The following CANX variants were observed in gnomAD, a reference collection of about 807,000 sequenced individuals.
CANX encodes epididymis secretory sperm binding protein.
In CANX, 14 loss-of-function variants were observed where a neutral mutation model predicts 75.7. The observed-to-expected ratio is 0.19, with a 90% CI of 0.12 to 0.29. The LOEUF is 0.29. Ranked by LOEUF, CANX falls within the 10% of genes least tolerant of loss-of-function variation. The pLI, the probability that CANX is intolerant of heterozygous loss-of-function variation, is 1.00. For missense variants in CANX, 567 were observed against 713.2 expected, an observed-to-expected ratio of 0.79 and a Z score of 2.34; for synonymous variants, 227 against 236.9, an observed-to-expected ratio of 0.96 and a Z score of 0.38.
At chr5:179,705,054 G>C (rs763934124) in intron 1 of CANX, among the ~76,000 whole-genome samples, 2 of 151,612 alleles carry the variant, frequency 1.3e-5, no homozygotes, top group African/African-American at 4.8e-5. Context: ...GTGTAGTGGC[G>C]TGCTCACTGC....
chr5:179,709,144 C>A, intron 6 of CANX, 85 bp downstream of exon 6: 1 of 799,174 alleles, frequency 1.3e-6, no homozygotes, highest in Non-Finnish European at 2.2e-6. Flanking sequence ...TGCAGTGGCT[C>A]ACGCCTGTAA....
In CANX at chr5:179,698,993, G is replaced by A. The variant is rs1776534315; in HGVS notation, c.-113G>A. Reference sequence around the variant, plus strand: ...GCGGTGGCCGAGGCCTCTTGGTTCTGCGGCACGTGACGGTCGGGCCGCCTC... The same window carrying A: ...GCGGTGGCCGAGGCCTCTTGGTTCTACGGCACGTGACGGTCGGGCCGCCTC... On this transcript the variant is annotated 5_prime_UTR_variant, in exon 1 of 15. Coordinates refer to ENST00000247461, the MANE Select transcript of CANX (RefSeq NM_001746.4). 10 of 1,126,482 alleles carry A rather than the reference G, an allele frequency of 8.9e-6. No homozygotes were observed. In the South Asian group the frequency reaches 1.6e-4, roughly 18 times the overall value. The allele number at this position is 1,126,482 out of a possible 1,614,324, so 69.8% of individuals were successfully genotyped here. A position where few individuals can be genotyped will look rare whatever the true frequency, so the allele number is the denominator to read the frequency against.
intron 11 of CANX, chr5:179,723,364 A>C (rs942337842): frequency 2.1e-5 from 9 of 425,618 alleles, no homozygotes; most frequent in Middle Eastern, 6.1e-4. Context: ...CGATTTAAGA[A>C]TTGGAGAGCC....
intron 13 of CANX, among the ~76,000 whole-genome samples, chr5:179,725,966 G>A (rs1778636968): frequency 7.2e-6 from 1 of 139,836 alleles, no homozygotes; most frequent in Admixed American, 7.4e-5. Flanking sequence ...CCAGCCTGGC[G>A]ACAGAGCGAG....
At chr5:179,717,950 A>G (rs1218229357) in intron 8 of CANX, among the ~76,000 whole-genome samples, 1 of 152,094 alleles carries the variant, frequency 6.6e-6, no homozygotes, top group Non-Finnish European at 1.5e-5. Context: ...TCCTGACCTC[A>G]GGTGATCTAC....
At chr5:179,695,928 GT>G (rs1562446029), upstream of CANX, among the ~76,000 whole-genome samples, 4 of 151,834 alleles carry the variant, frequency 2.6e-5, no homozygotes, top group Admixed American at 2.0e-4. Context: ...GTGAGCCACT[GT>G]GCCTGGCCTA....
chr5:179,698,579 A>G (rs1361303766), upstream of CANX: 2 of 1,289,378 alleles, frequency 1.6e-6, no homozygotes, highest in African/African-American at 3.0e-5. Flanking sequence ...ATGCGTCCCA[A>G]GTCTCGGCTC....
intron 1 of CANX, among the ~76,000 whole-genome samples, chr5:179,688,888 G>A (rs1393844977): frequency 6.6e-6 from 1 of 151,602 alleles, no homozygotes; most frequent in Non-Finnish European, 1.5e-5. Flanking sequence ...GTTTGATGGT[G>A]CAGTGAGCCA....
At chr5:179,705,987 A>G (rs1777110074) in intron 2 of CANX, 135 bp downstream of exon 2, 3 of 676,218 alleles carry the variant, frequency 4.4e-6, no homozygotes, top group African/African-American at 3.6e-5. Flanking sequence ...CCTTGGCAAC[A>G]CAGGGAGATA....
chr5:179,725,048 G>A (rs1009755860), intron 13 of CANX, among the ~76,000 whole-genome samples: 1 of 151,908 alleles, frequency 6.6e-6, no homozygotes, highest in African/African-American at 2.4e-5. Context: ...TTTAAGACAA[G>A]GTCCCACTCT....
Position 179,726,689 on chromosome 5 carries a change from A to G in CANX, c.1655A>G (p.Gln552Arg). ...EEGEEKLEEK[Q>R]KSDAEEDGGT... ...TTAACTTCTGTCTTAGAAGAGAAACAGAAAAGTGATGCTGAAGAAGATGGT... is the reference window on the plus strand; with the variant it reads ...TTAACTTCTGTCTTAGAAGAGAAACGGAAAAGTGATGCTGAAGAAGATGGT... Residue 552 changes from glutamine (Q) to arginine (R), a missense_variant, in exon 14 of 15, where the codon CAG becomes CGG. Physicochemically the swap from Gln to Arg is conservative, Grantham distance 43. Around this residue, in one of 3 missense-constraint regions of CANX, gnomAD observed 167 missense variants for 179.3 expected, o/e 0.93. Coordinates refer to ENST00000247461, the MANE Select transcript of CANX (RefSeq NM_001746.4). 1 of 1,612,756 alleles carries G rather than the reference A, an allele frequency of 6.2e-7. No individual in the cohort carries two copies. Among genetic ancestry groups the G allele is most frequent in the Non-Finnish European group, 8.5e-7 (1 of 1,178,726 alleles).
chr5:179,698,460 A>G (rs1776487989), upstream of CANX: 1 of 1,288,790 alleles, frequency 7.8e-7, no homozygotes, highest in Admixed American at 2.3e-5. Context: ...GGTTCTGCTC[A>G]CGCCCGTAGG....
chr5:179,727,544 G>A (rs1008910539), intron 14 of CANX, among the ~76,000 whole-genome samples: 2 of 152,206 alleles, frequency 1.3e-5, no homozygotes, highest in African/African-American at 4.8e-5. Flanking sequence ...AGTGGACAGA[G>A]AGAGTGGAGA....
chr5:179,728,159 C>T (rs965722363), intron 14 of CANX, among the ~76,000 whole-genome samples: 75 of 152,296 alleles, frequency 4.9e-4, no homozygotes, highest in African/African-American at 1.7e-3. Flanking sequence ...GGGTAATTTA[C>T]AATCTTAGCA....
At chr5:179,695,799 C>T (rs559742384), upstream of CANX, among the ~76,000 whole-genome samples, 4 of 151,726 alleles carry the variant, frequency 2.6e-5, no homozygotes, top group East Asian at 1.9e-4. Context: ...TACAGGCGCC[C>T]GCCACTGCGC....
intron 1 of CANX, among the ~76,000 whole-genome samples, chr5:179,704,836 AAAAT>A (rs770663880): frequency 4.6e-5 from 7 of 152,200 alleles, no homozygotes; most frequent in African/African-American, 7.2e-5. Flanking sequence ...AATCCATCAC[AAAAT>A]AAATAAATAA....
In CANX at chr5:179,726,774, TCA is replaced by T. The variant is rs1202421223; in HGVS notation, c.1725+20_1725+21del. Reference sequence around the variant, plus strand: ...CTAAAGCAGAGGTAAAGGAAAGGGGTCACACATTTTGTTTTACCAAGCTGAAG... The same window carrying T: ...CTAAAGCAGAGGTAAAGGAAAGGGGTCACATTTTGTTTTACCAAGCTGAAG... On this transcript the variant is annotated intron_variant, in intron 14 of 14. Coordinates refer to ENST00000247461, the MANE Select transcript of CANX (RefSeq NM_001746.4). 2.5e-6 allele frequency: 4 copies of T among 1,582,240 alleles called. No homozygotes were observed. Among genetic ancestry groups the T allele is most frequent in the Admixed American group, 1.7e-5 (1 of 59,428 alleles).
At chr5:179,708,847 G>T in intron 5 of CANX, 131 bp from the exon 6 acceptor site, 1 of 502,050 alleles carries the variant, frequency 2.0e-6, no homozygotes, top group Non-Finnish European at 3.6e-6. Context: ...ATAGAAGATG[G>T]AATCCTTTGT....
intron 1 of CANX, among the ~76,000 whole-genome samples, chr5:179,687,201 C>G (rs1297072806): frequency 6.6e-6 from 1 of 152,196 alleles, no homozygotes; most frequent in African/African-American, 2.4e-5. Flanking sequence ...CTCCCGGGTT[C>G]AGGCCATTCT....
Sources: allele counts gnomAD v4.1 joint callset (sites outside exome capture counted in the v4.1 genomes callset), GRCh38; gene constraint gnomAD v4.1.1; regional missense constraint gnomAD v4.1.1; transcripts MANE v1.5; gene names NCBI Gene and HGNC (gene_info 2026-07-23, HGNC 2026-07-21).